The following MORN1 variants were observed in gnomAD, a reference collection of about 807,000 sequenced individuals.
The protein encoded by MORN1 is MORN repeat-containing protein 1.
In MORN1, 67 loss-of-function variants were observed where a neutral mutation model predicts 61.9. The ratio of observed to expected loss-of-function variants is 1.08; its 90% CI spans 0.89 to 1.33. The LOEUF is 1.33. Among genes scored for constraint, MORN1 ranks in the 40% most tolerant of loss-of-function variants. MORN1 has a pLI of 0.00. For synonymous variants in MORN1, 301 were observed against 292.0 expected (o/e 1.03, Z -0.31); for missense variants, 752 against 691.2 (o/e 1.09, Z -0.99).
At chr1:2,386,113 G>A in intron 4 of MORN1, 1 of 571,314 alleles carries the variant, frequency 1.8e-6, no homozygotes, top group Non-Finnish European at 3.1e-6. Flanking sequence ...AAGGGCAGAT[G>A]TGCTTTGGGA....
chr1:2,390,481 C>T (rs552024602), intron 1 of MORN1: 95 of 985,290 alleles, frequency 9.6e-5, no homozygotes, highest in South Asian at 1.4e-4. Context: ...ATGGCCTGGC[C>T]GGCTTCATCT....
At chr1:2,388,445 C>G (rs947624258) in intron 2 of MORN1, 108 bp from the exon 3 acceptor site, 4 of 831,592 alleles carry the variant, frequency 4.8e-6, no homozygotes, top group Admixed American at 2.0e-5. Flanking sequence ...GGCTTCAAAA[C>G]TTGTGTTTGG....
intron 10 of MORN1, among the ~76,000 whole-genome samples, chr1:2,353,335 CT>C (rs1474124680): frequency 1.3e-5 from 2 of 152,258 alleles, no homozygotes; most frequent in African/African-American, 4.8e-5. Flanking sequence ...GCCGGCCCCC[CT>C]GTCCCTGCTG....
At chr1:2,332,524 G>T (rs779388402) in intron 12 of MORN1, 11 of 442,704 alleles carry the variant, frequency 2.5e-5, no homozygotes, top group South Asian at 1.4e-4. Flanking sequence ...CACGCAGGCC[G>T]CTAGGACCTG....
At chr1:2,347,480 C>T (rs140047628) in intron 10 of MORN1, among the ~76,000 whole-genome samples, 2,053 of 152,244 alleles carry the variant, frequency 0.013, 55 homozygotes, top group Non-Finnish European at 0.017. Context: ...GGAGGAGGAT[C>T]CCGAGTGGCT....
At chr1:2,377,729 G>A (rs1018494620) in intron 6 of MORN1, 1 of 152,398 alleles carries the variant, frequency 6.6e-6, no homozygotes, top group Admixed American at 6.5e-5. Context: ...TCCTGGGGGG[G>A]TCCTGGGTCT....
intron 13 of MORN1, chr1:2,323,255 G>A (rs1000164671): frequency 5.1e-5 from 50 of 985,258 alleles, no homozygotes; most frequent in East Asian, 1.1e-4. Flanking sequence ...CCGGCCACAC[G>A]GGTGCCGTCC....
At chr1:2,353,411 C>T (rs924600332) in intron 10 of MORN1, among the ~76,000 whole-genome samples, 2 of 152,210 alleles carry the variant, frequency 1.3e-5, no homozygotes, top group Non-Finnish European at 2.9e-5. Flanking sequence ...CTGTCTGGAA[C>T]TGGCCCACCC....
chr1:2,323,903 C>T (rs1385487844), intron 13 of MORN1, 194 bp downstream of exon 13: 1 of 984,948 alleles, frequency 1.0e-6, no homozygotes. Context: ...CCGTCCCCAG[C>T]CCCCAAGCCA....
At chr1:2,382,988 G>A (rs914669079) in intron 6 of MORN1, among the ~76,000 whole-genome samples, 1 of 152,110 alleles carries the variant, frequency 6.6e-6, no homozygotes, top group African/African-American at 2.4e-5. Flanking sequence ...CCCCTCCAGG[G>A]GCCCCACATC....
Position 2,321,420 on chromosome 1 carries a change from G to A in MORN1, c.1457C>T (p.Ala486Val), listed in dbSNP as rs1219900817. ...GPEASSSWQA[A>V]HSCTPEPPAP... Reference sequence around the variant, plus strand: ...TGGCGGCTCTGGGGTGCAGCTGTGGGCGGCCTGCCAGCTGCTTGAGGCTTC... The same window carrying A: ...TGGCGGCTCTGGGGTGCAGCTGTGGACGGCCTGCCAGCTGCTTGAGGCTTC... The change falls in exon 14 of 14, where the codon GCC becomes GTC. Residue 486 changes from alanine (A) to valine (V), a missense_variant. Ala to Val is a moderately conservative substitution (Grantham distance 64). Coordinates refer to ENST00000378531, the MANE Select transcript of MORN1 (RefSeq NM_024848.3). 6.5e-7 allele frequency: 1 copy of A among 1,540,164 alleles called. No individual in the cohort carries two copies. The highest frequency in any genetic ancestry group is 2.5e-5 in the East Asian group (1 of 39,948).
At chr1:2,326,655 C>G (rs1165459039) in intron 12 of MORN1, 1 of 152,456 alleles carries the variant, frequency 6.6e-6, no homozygotes, top group Non-Finnish European at 1.5e-5. Flanking sequence ...ACTCCTGTCC[C>G]TCACGCGCTG....
intron 5 of MORN1, chr1:2,385,350 G>A (rs1642470032): frequency 3.9e-6 from 2 of 509,272 alleles, no homozygotes; most frequent in South Asian, 2.2e-5. Flanking sequence ...GGCAACGGGA[G>A]GGGGCTGCAG....
intron 4 of MORN1, 140 bp downstream of exon 4, chr1:2,387,279 G>A (rs1642525089): frequency 1.4e-6 from 1 of 703,688 alleles, no homozygotes; most frequent in Non-Finnish European, 2.5e-6. Flanking sequence ...GCGGAGAAGA[G>A]GGCATGGGCC....
At position 2,387,509 on chromosome 1, in the gene MORN1, A is replaced by T; in HGVS notation, c.268T>A (p.Phe90Ile). Reference protein sequence around the residue: ...AWSGDTFSGQFVLGEPQGYGV... With the variant: ...AWSGDTFSGQIVLGEPQGYGV... ...TAGCCTTGAGGCTCTCCCAGAACAA[A>T]CTGTCCAGAGAAGGTGTCTCCTGCA... The change falls in exon 4 of 14, where the codon TTT becomes ATT. Residue 90 changes from phenylalanine to isoleucine, a missense_variant. By Grantham distance (21) the Phe-to-Ile change is conservative. Transcript: ENST00000378531. 6.2e-7 allele frequency: 1 copy of T among 1,612,752 alleles called. No homozygotes were observed. The highest frequency in any genetic ancestry group is 8.5e-7 in the Non-Finnish European group (1 of 1,179,952).
At chr1:2,362,988 G>A (rs1039109403) in intron 8 of MORN1, 3 of 152,166 alleles carry the variant, frequency 2.0e-5, no homozygotes, top group Non-Finnish European at 4.4e-5. Context: ...GAAAATGAGA[G>A]CAGATGGAAA....
rs976127407 is a variant in MORN1, at chr1:2,337,354, G to A, written c.1037-504C>T. The stretch of plus-strand genomic sequence containing the variant: ...CACAGGCGTGGAGGGAGACACCGAG[G>A]GTGGCTGCGAGTCCCTCCACGTGGC... On this transcript the variant is annotated intron_variant, in intron 10 of 13. Transcript: ENST00000378531. This position sits in a 1 kb window ranked among gnomAD's most constrained non-coding sequence, Gnocchi z 5.7. 5.3e-5 allele frequency among the ~76,000 whole-genome samples: 8 copies of A among 152,166 alleles called. No homozygotes were observed. The highest frequency in any genetic ancestry group is 1.9e-4 in the African/African-American group (8 of 41,430).
intron 12 of MORN1, among the ~76,000 whole-genome samples, chr1:2,324,852 G>C (rs940935505): frequency 2.0e-5 from 3 of 152,014 alleles, no homozygotes; most frequent in African/African-American, 7.2e-5. Flanking sequence ...ACAGCGCCTC[G>C]GGGCACCCAC....
chr1:2,370,658 T>C (rs1404882147), intron 8 of MORN1, among the ~76,000 whole-genome samples: 2 of 147,182 alleles, frequency 1.4e-5, no homozygotes, highest in Admixed American at 1.4e-4. Context: ...CAACCTTTTT[T>C]TCATTTTTTT....
Sources: allele counts gnomAD v4.1 joint callset (sites outside exome capture counted in the v4.1 genomes callset), GRCh38; gene constraint gnomAD v4.1.1; non-coding constraint Gnocchi (gnomAD v3.1); transcripts MANE v1.5; gene names NCBI Gene and HGNC (gene_info 2026-07-23, HGNC 2026-07-21).